POC1B: variants seen among roughly 807,000 people sequenced by gnomAD.
The protein encoded by POC1B is POC1 centriolar protein homolog B.
In POC1B, 44 loss-of-function variants were observed where a neutral mutation model predicts 60.6. The ratio of observed to expected loss-of-function variants is 0.73; its 90% CI spans 0.57 to 0.93. The LOEUF (loss-of-function observed/expected upper bound fraction) is 0.93, where lower values mean the gene tolerates loss of function less well. Ranked by LOEUF, POC1B falls within the 40% of genes least tolerant of loss-of-function variation. POC1B has a pLI of 0.00. For synonymous variants in POC1B, 180 were observed against 198.9 expected, an observed-to-expected ratio of 0.90 and a Z score of 0.80; for missense variants, 555 against 572.3, an observed-to-expected ratio of 0.97 and a Z score of 0.31.
At chr12:89,457,015 T>C (rs1276913204) in intron 10 of POC1B, among the ~76,000 whole-genome samples, 2 of 152,200 alleles carry the variant, frequency 1.3e-5, no homozygotes, top group Non-Finnish European at 2.9e-5. Flanking sequence ...TTTAAGGAAA[T>C]GTCCAATCTA....
Position 89,517,986 on chromosome 12 carries a change from A to G in POC1B, c.100+7134T>C, listed in dbSNP as rs558586396. ...CGAAGACACTGCTGGCCTGCAGTAG[A>G]TATCACTCCCAGCCCAGCCTGGAAG... is the stretch of plus-strand genomic sequence containing the variant. On this transcript the variant is annotated intron_variant, in intron 2 of 11. Transcript: ENST00000313546. Among the ~76,000 whole-genome samples the G allele has an allele frequency of 7.9e-5, 12 of 152,300 alleles. No individual in the cohort carries two copies. The South Asian group carries it at 2.1e-3, about 26-fold the overall frequency.
At chr12:89,411,056 C>T in the POC1B span, among the ~76,000 whole-genome samples, 1 of 152,120 alleles carries the variant, frequency 6.6e-6, no homozygotes, top group South Asian at 2.1e-4. Context: ...AGGAATACAA[C>T]TTACAAGGGA....
intron 11 of POC1B, among the ~76,000 whole-genome samples, chr12:89,421,724 T>C (rs1323022950): frequency 6.6e-6 from 1 of 152,216 alleles, no homozygotes; most frequent in East Asian, 1.9e-4. Flanking sequence ...TGCAGATGGA[T>C]GGCTAGATTG....
chr12:89,514,416 T>TTTTTC (rs1870347555), intron 2 of POC1B, among the ~76,000 whole-genome samples: 1 of 137,368 alleles, frequency 7.3e-6, no homozygotes, highest in Non-Finnish European at 1.6e-5. Context: ...TTTTTTTTTT[T>TTTTTC]TTTTTTTTTT....
intron 10 of POC1B, among the ~76,000 whole-genome samples, chr12:89,446,662 A>T (rs903177860): frequency 8.5e-5 from 13 of 152,242 alleles, no homozygotes; most frequent in African/African-American, 3.1e-4. Flanking sequence ...ATGACGAGTT[A>T]ATGGGTGCAG....
intron 2 of POC1B, chr12:89,524,186 A>G: frequency 6.2e-7 from 1 of 1,613,980 alleles, no homozygotes; most frequent in Non-Finnish European, 8.5e-7. Context: ...TTACACTCAT[A>G]CATTCTTTTA....
chr12:89,448,517 G>A (rs1184186537), intron 10 of POC1B, among the ~76,000 whole-genome samples: 1 of 152,174 alleles, frequency 6.6e-6, no homozygotes, highest in Non-Finnish European at 1.5e-5. Context: ...TCAACAGACA[G>A]ACAAAAACTG....
At chr12:89,410,176 A>C in the POC1B span, among the ~76,000 whole-genome samples, 1 of 152,322 alleles carries the variant, frequency 6.6e-6, no homozygotes, top group East Asian at 1.9e-4. Context: ...AATGTAATCC[A>C]TCACATAAAC....
chr12:89,512,738 C>T (rs933663487), intron 2 of POC1B, among the ~76,000 whole-genome samples: 16 of 152,108 alleles, frequency 1.1e-4, no homozygotes, highest in Admixed American at 5.2e-4. Context: ...CCAGACTAGG[C>T]GCCTTTATAA....
At chr12:89,524,378 C>T (rs773552732) in intron 2 of POC1B, 7 of 1,613,934 alleles carry the variant, frequency 4.3e-6, no homozygotes, top group East Asian at 2.2e-5. Context: ...CGAGACAAAT[C>T]CTCCGTATTT....
intron 10 of POC1B, among the ~76,000 whole-genome samples, chr12:89,442,928 A>C: frequency 6.6e-6 from 1 of 152,312 alleles, no homozygotes; most frequent in South Asian, 2.1e-4. Flanking sequence ...AAAATGAAAA[A>C]CAAAAAAAAG....
intron 10 of POC1B, among the ~76,000 whole-genome samples, chr12:89,432,383 T>TAAA (rs57839375): frequency 3.1e-5 from 1 of 32,046 alleles, no homozygotes; most frequent in East Asian, 1.2e-3. Flanking sequence ...CTCTGTTTCT[T>TAAA]AAAAAAAAAA....
At chr12:89,497,484 C>A in intron 2 of POC1B, 142 bp from the exon 3 acceptor site, 1 of 766,714 alleles carries the variant, frequency 1.3e-6, no homozygotes, top group Non-Finnish European at 2.0e-6. Flanking sequence ...AGGTAATAGC[C>A]AAATTACTTT....
intron 2 of POC1B, 63 bp from the exon 3 acceptor site, chr12:89,497,405 T>G: frequency 6.7e-7 from 1 of 1,496,364 alleles, no homozygotes; most frequent in South Asian, 1.2e-5. Context: ...TGTGTCTCAT[T>G]ACAATGAGCA....
At chr12:89,501,817 G>T in intron 2 of POC1B, 2 of 1,157,900 alleles carry the variant, frequency 1.7e-6, no homozygotes, top group East Asian at 2.3e-5. Flanking sequence ...TAAGAATATT[G>T]GGAAAAAAAC....
intron 10 of POC1B, among the ~76,000 whole-genome samples, chr12:89,445,935 T>C (rs1359821167): frequency 2.0e-5 from 3 of 151,982 alleles, no homozygotes; most frequent in Non-Finnish European, 4.4e-5. Flanking sequence ...AATCAAAAAA[T>C]GGGCAAAGGA....
chr12:89,439,184 T>G (rs1055898384), intron 10 of POC1B, among the ~76,000 whole-genome samples: 6 of 152,206 alleles, frequency 3.9e-5, no homozygotes, highest in African/African-American at 1.4e-4. Flanking sequence ...GAAGCTTGTT[T>G]TCAAGCTACA....
chr12:89,501,784 G>C, intron 2 of POC1B: 1 of 1,031,294 alleles, frequency 9.7e-7, no homozygotes, highest in Non-Finnish European at 1.5e-6. Context: ...GCAAAAATCT[G>C]CTAAGAAAAC....
chr12:89,486,886 TTCTCTC>T (rs149180232), intron 4 of POC1B, among the ~76,000 whole-genome samples: 2 of 147,440 alleles, frequency 1.4e-5, no homozygotes, highest in Non-Finnish European at 3.0e-5. Context: ...AACTCTCTCT[TTCTCTC>T]TCTCTCTCTC....
Sources: allele counts gnomAD v4.1 joint callset (sites outside exome capture counted in the v4.1 genomes callset), GRCh38; gene constraint gnomAD v4.1.1; transcripts MANE v1.5; gene names NCBI Gene and HGNC (gene_info 2026-07-23, HGNC 2026-07-21).